RASGRP1: variants seen among roughly 807,000 people sequenced by gnomAD.
RASGRP1 encodes the protein RAS guanyl-releasing protein 1.
RASGRP1 carries 37 observed loss-of-function variants against 95.1 expected under a neutral mutation model. That is an observed-to-expected ratio of 0.39 (90% CI 0.30 to 0.51). RASGRP1 has a LOEUF of 0.51. Among genes scored for constraint, RASGRP1 ranks in the 20% least tolerant of loss-of-function variants. RASGRP1 has a pLI of 0.80. For missense variants in RASGRP1, 711 were observed against 965.4 expected, an observed-to-expected ratio of 0.74 and a Z score of 3.49; for synonymous variants, 325 against 353.4, an observed-to-expected ratio of 0.92 and a Z score of 0.90.
chr15:38,496,920 TTTTCTC>T (rs1890814662), intron 15 of RASGRP1, among the ~76,000 whole-genome samples: 1 of 152,234 alleles, frequency 6.6e-6, no homozygotes, highest in Admixed American at 6.5e-5. Context: ...TATATGGACT[TTTTCTC>T]TAGGCATCTG....
At chr15:38,502,967 T>G (rs2029863024) in intron 11 of RASGRP1, 1 of 411,272 alleles carries the variant, frequency 2.4e-6, no homozygotes, top group African/African-American at 2.0e-5. Context: ...TAGGTTTACC[T>G]GATTACCCCT....
At chr15:38,524,690 T>C (rs1892135189) in intron 3 of RASGRP1, among the ~76,000 whole-genome samples, 1 of 152,108 alleles carries the variant, frequency 6.6e-6, no homozygotes. Context: ...GTAGACTATT[T>C]TAAGACGCTT....
chr15:38,531,111 A>T (rs1213468601), intron 2 of RASGRP1, among the ~76,000 whole-genome samples: 2 of 152,238 alleles, frequency 1.3e-5, no homozygotes, highest in Admixed American at 1.3e-4. Context: ...GCCCTACTAA[A>T]TACCAGGAGC....
chr15:38,496,512 T>C (rs72727366), intron 15 of RASGRP1, among the ~76,000 whole-genome samples: 2,268 of 152,338 alleles, frequency 0.015, 28 homozygotes, highest in Non-Finnish European at 0.024. Flanking sequence ...GACAGAATTG[T>C]GGTGCCCTAA....
At chr15:38,502,930 A>G in intron 11 of RASGRP1, 1 of 319,596 alleles carries the variant, frequency 3.1e-6, no homozygotes, top group Non-Finnish European at 5.8e-6. Flanking sequence ...AGAGAATTGA[A>G]TTAAGCAGTA....
rs745459574 is a variant in RASGRP1 at position 38,490,679 on chromosome 15, T to A, written c.2269A>T (p.Thr757Ser). ...TYQELEQEIN[T>S]LKADNDALKI... is the part of the protein sequence containing the mutation. ...AGGGCATCATTATCTGCTTTCAGAG[T>A]ATTTATTTCCTAAAGGGAAAGGAGA... is the stretch of plus-strand genomic sequence containing the variant. The change falls in exon 17 of 17, where the codon ACT (threonine) becomes TCT (serine). Residue 757 changes from threonine (T) to serine (S), a missense_variant. Thr to Ser is a moderately conservative substitution (Grantham distance 58, BLOSUM62 1). This residue lies in a region of RASGRP1 where 212 missense variants were observed against 247.8 expected (regional missense o/e 0.86). Coordinates refer to ENST00000310803, the MANE Select transcript of RASGRP1 (RefSeq NM_005739.4). 3.9e-5 allele frequency: 63 copies of A among 1,610,058 alleles called. No individual in the cohort carries two copies. The highest frequency in any genetic ancestry group is 3.3e-4 in the Middle Eastern group (2 of 6,074).
chr15:38,556,509 C>T (rs1032733270), intron 2 of RASGRP1, among the ~76,000 whole-genome samples: 2 of 152,212 alleles, frequency 1.3e-5, no homozygotes, highest in African/African-American at 4.8e-5. Context: ...TCTAGAAATG[C>T]TAGCAAAATG....
At chr15:38,555,810 G>A (rs897564519) in intron 2 of RASGRP1, among the ~76,000 whole-genome samples, 12 of 152,204 alleles carry the variant, frequency 7.9e-5, no homozygotes, top group Admixed American at 5.2e-4. Flanking sequence ...GAAACATGGA[G>A]TTTCTTCCCA....
At chr15:38,528,299 C>T (rs1373426279) in intron 2 of RASGRP1, among the ~76,000 whole-genome samples, 1 of 152,172 alleles carries the variant, frequency 6.6e-6, no homozygotes, top group East Asian at 1.9e-4. Context: ...ACTTATTTCT[C>T]TATTCCCATT....
intron 15 of RASGRP1, among the ~76,000 whole-genome samples, chr15:38,498,573 G>A (rs1313373964): frequency 2.2e-5 from 3 of 138,190 alleles, no homozygotes; most frequent in Non-Finnish European, 4.5e-5. Flanking sequence ...ATAAGTACCT[G>A]CTGATTTTTA....
intron 15 of RASGRP1, among the ~76,000 whole-genome samples, chr15:38,496,735 T>C (rs1306586664): frequency 6.6e-6 from 1 of 151,778 alleles, no homozygotes; most frequent in Non-Finnish European, 1.5e-5. Flanking sequence ...TTTAGATAGA[T>C]AGTAAGGGGA....
intron 15 of RASGRP1, 110 bp downstream of exon 15, chr15:38,498,684 T>G (rs4467032): frequency 6.6e-6 from 9 of 1,359,322 alleles, no homozygotes; most frequent in Non-Finnish European, 8.9e-6. Flanking sequence ...GCCTAGCTGT[T>G]GAGGTTACAT....
intron 10 of RASGRP1, chr15:38,504,500 A>G (rs1217369551): frequency 6.6e-6 from 1 of 152,140 alleles, no homozygotes; most frequent in Non-Finnish European, 1.5e-5. Context: ...CTATGTCTAT[A>G]TAGAGTCAAG....
At chr15:38,521,976 C>G (rs1477734943) in intron 3 of RASGRP1, among the ~76,000 whole-genome samples, 1 of 152,182 alleles carries the variant, frequency 6.6e-6, no homozygotes, top group East Asian at 1.9e-4. Flanking sequence ...ATCCCTTTCC[C>G]TACCCCAGGT....
intron 3 of RASGRP1, among the ~76,000 whole-genome samples, chr15:38,521,219 T>A (rs1307931000): frequency 6.6e-6 from 1 of 152,210 alleles, no homozygotes; most frequent in Non-Finnish European, 1.5e-5. Context: ...GGCACATAGA[T>A]AAATACCTCT....
At chr15:38,512,743 C>G in intron 7 of RASGRP1, 40 bp downstream of exon 7, 1 of 1,609,364 alleles carries the variant, frequency 6.2e-7, no homozygotes, top group Non-Finnish European at 8.5e-7. Flanking sequence ...AGAAAGTTTA[C>G]CTTATAGCCC....
At chr15:38,516,401 C>T in intron 5 of RASGRP1, 51 bp from the exon 6 acceptor site, 1 of 1,553,460 alleles carries the variant, frequency 6.4e-7, no homozygotes, top group Non-Finnish European at 8.9e-7. Context: ...GAATAAATCG[C>T]TTTTTGCAAG....
In RASGRP1 at chr15:38,518,327, C is replaced by T. The variant is rs1372047493; in HGVS notation, c.486G>A (p.Glu162=). The change falls in exon 5 of 17, where the codon GAG becomes GAA. Residue 162 remains glutamate (E), a synonymous_variant. Transcript: ENST00000310803. ...TGTCAATCAGGCGGCAATGTAACTCCTCACCCTTAGCTTTCACCAGTTCCT... is the reference window on the plus strand; with the variant it reads ...TGTCAATCAGGCGGCAATGTAACTCTTCACCCTTAGCTTTCACCAGTTCCT... ...EFQELVKAKG[E]ELHCRLIDTT... 4.3e-6 allele frequency: 7 copies of T among 1,610,568 alleles called. No homozygotes were observed. In the East Asian group the frequency reaches 1.6e-4, roughly 36 times the overall value.
At chr15:38,521,177 C>T (rs970986695) in intron 3 of RASGRP1, among the ~76,000 whole-genome samples, 2 of 152,148 alleles carry the variant, frequency 1.3e-5, no homozygotes, top group African/African-American at 2.4e-5. Flanking sequence ...TAAGAAAATG[C>T]ATCACTTCAA....
Sources: allele counts gnomAD v4.1 joint callset (sites outside exome capture counted in the v4.1 genomes callset), GRCh38; gene constraint gnomAD v4.1.1; regional missense constraint gnomAD v4.1.1; transcripts MANE v1.5; gene names NCBI Gene and HGNC (gene_info 2026-07-23, HGNC 2026-07-21).